MYH11: variants seen among roughly 807,000 people sequenced by gnomAD.
The protein encoded by MYH11 is myosin heavy chain 11.
Under a neutral mutation model 246.6 loss-of-function variants are expected in MYH11, and 80 were observed. The ratio of observed to expected loss-of-function variants is 0.32; its 90% CI spans 0.27 to 0.39. MYH11 has a LOEUF of 0.39. Ranked by LOEUF, MYH11 falls within the 10% of genes least tolerant of loss-of-function variation. MYH11 has a pLI of 1.00. For missense variants in MYH11, 2,158 were observed against 2,546.8 expected (o/e 0.85, Z 3.29); for synonymous variants, 1,071 against 1,015.5 (o/e 1.05, Z -1.04).
chr16:15,769,870 A>C (rs1358240829), intron 9 of MYH11, among the ~76,000 whole-genome samples: 1 of 151,928 alleles, frequency 6.6e-6, no homozygotes, highest in Non-Finnish European at 1.5e-5. Flanking sequence ...TGTGTTATCC[A>C]GGCTGGTCTC....
At chr16:15,747,001 T>C (rs1195407741) in intron 19 of MYH11, among the ~76,000 whole-genome samples, 1 of 151,928 alleles carries the variant, frequency 6.6e-6, no homozygotes, top group African/African-American at 2.4e-5. Context: ...GACACGAGAA[T>C]TGCTTGAGTC....
In MYH11 at chr16:15,727,102, G is replaced by T. The variant is rs1209513043; in HGVS notation, c.3652-48C>A. On this transcript the variant is annotated intron_variant, in intron 27 of 40. Transcript: ENST00000300036. ...GGGATAACAGGGAGGCTGTGGCCGG[G>T]AGAACGTTTCAGGCCCTGCCCTTTC... 4.4e-6 allele frequency: 7 copies of T among 1,585,780 alleles called. No homozygotes were observed. The South Asian group carries it at 4.4e-5, about 10-fold the overall frequency.
At chr16:15,829,579 C>G (rs1357433163) in intron 2 of MYH11, among the ~76,000 whole-genome samples, 1 of 152,200 alleles carries the variant, frequency 6.6e-6, no homozygotes, top group Admixed American at 6.5e-5. Flanking sequence ...GAGCCCCTCT[C>G]CAGCTGGTTA....
chr16:15,759,385 C>T (rs990387007), intron 12 of MYH11, among the ~76,000 whole-genome samples, 191 bp downstream of exon 12: 10 of 152,070 alleles, frequency 6.6e-5, no homozygotes, highest in African/African-American at 2.4e-4. Flanking sequence ...CTGGCCTTCT[C>T]AGTTCCAGAA....
intron 8 of MYH11, among the ~76,000 whole-genome samples, chr16:15,773,739 C>G (rs2042158180): frequency 6.6e-6 from 1 of 152,176 alleles, no homozygotes; most frequent in South Asian, 2.1e-4. Flanking sequence ...CACTAGGCAA[C>G]AGAGTTGAGT....
At chr16:15,722,667 C>T (rs1226905207) in intron 31 of MYH11, among the ~76,000 whole-genome samples, 1 of 152,198 alleles carries the variant, frequency 6.6e-6, no homozygotes, top group Non-Finnish European at 1.5e-5. Context: ...ATCTAGAATC[C>T]TGACACTAGG....
intron 4 of MYH11, among the ~76,000 whole-genome samples, chr16:15,789,251 A>G (rs2042553174): frequency 6.6e-6 from 1 of 152,204 alleles, no homozygotes; most frequent in Admixed American, 6.5e-5. Context: ...CACAGGCCCA[A>G]CCCTCTAGGG....
intron 23 of MYH11, among the ~76,000 whole-genome samples, chr16:15,739,034 T>C (rs937487653): frequency 6.6e-6 from 1 of 151,982 alleles, no homozygotes; most frequent in Non-Finnish European, 1.5e-5. Flanking sequence ...TCTTTAAGTT[T>C]CTGCTTAAAT....
chr16:15,840,788 A>G (rs2044032210), intron 1 of MYH11, among the ~76,000 whole-genome samples: 1 of 152,194 alleles, frequency 6.6e-6, no homozygotes, highest in African/African-American at 2.4e-5. Context: ...AACATGTATG[A>G]TTATTTGTCA....
intron 27 of MYH11, among the ~76,000 whole-genome samples, chr16:15,728,208 A>T (rs2040854365): frequency 6.6e-6 from 1 of 152,180 alleles, no homozygotes; most frequent in African/African-American, 2.4e-5. Flanking sequence ...CAGCCTGGGT[A>T]ACAGAGTGAG....
rs1052155848 is a variant in MYH11 at position 15,839,925 on chromosome 16, C to T, written c.-17-1656G>A. Among the ~76,000 whole-genome samples the T allele has an allele frequency of 3.9e-5, 6 of 152,120 alleles. No homozygotes were observed. In the East Asian group the frequency reaches 1.2e-3, roughly 29 times the overall value. ...AATTAGCCGGGCATGGTGGTGCACA[C>T]CTGTAATCCCAGTTACTCAAAAAGC... On this transcript the variant is annotated intron_variant, in intron 1 of 40. Coordinates refer to ENST00000300036, the MANE Select transcript of MYH11 (RefSeq NM_002474.3).
At chr16:15,844,500 T>G (rs2151388292) in intron 1 of MYH11, among the ~76,000 whole-genome samples, 1 of 152,216 alleles carries the variant, frequency 6.6e-6, no homozygotes, top group Middle Eastern at 3.4e-3. Flanking sequence ...GCTCGGCCAG[T>G]ACTCTCTTTC....
intron 2 of MYH11, among the ~76,000 whole-genome samples, chr16:15,835,190 T>C (rs1012031555): frequency 6.6e-6 from 1 of 151,650 alleles, no homozygotes; most frequent in Non-Finnish European, 1.5e-5. Flanking sequence ...AGTGGAAAAA[T>C]GGCCTATCCC....
intron 13 of MYH11, among the ~76,000 whole-genome samples, chr16:15,757,419 G>C (rs1036216879): frequency 6.7e-6 from 1 of 149,040 alleles, no homozygotes; most frequent in African/African-American, 2.5e-5. Flanking sequence ...TGAGGCGGGA[G>C]GATCACTTGA....
intron 32 of MYH11, 21 bp downstream of exon 32, chr16:15,721,401 A>T (rs762871945): frequency 6.2e-7 from 1 of 1,613,864 alleles, no homozygotes; most frequent in Non-Finnish European, 8.5e-7. Context: ...TGGACGAGAA[A>T]AACCACCCAG....
chr16:15,742,487 A>G (rs2151252333), intron 20 of MYH11, among the ~76,000 whole-genome samples: 1 of 152,272 alleles, frequency 6.6e-6, no homozygotes, highest in Admixed American at 6.5e-5. Context: ...CATGCCTGTA[A>G]TCCCAGCATT....
intron 2 of MYH11, among the ~76,000 whole-genome samples, chr16:15,830,924 C>A (rs1408175805): frequency 6.6e-6 from 1 of 152,076 alleles, no homozygotes; most frequent in South Asian, 2.1e-4. Flanking sequence ...GTAATCCCAG[C>A]ACCTTGGCAG....
At chr16:15,831,464 G>GGGGTGTGTGTGT (rs138443794) in intron 2 of MYH11, among the ~76,000 whole-genome samples, 36 of 145,690 alleles carry the variant, frequency 2.5e-4, no homozygotes, top group East Asian at 2.2e-3. Flanking sequence ...TTATGTTTGG[G>GGGGTGTGTGTGT]GTGTGTGTGT....
intron 3 of MYH11, among the ~76,000 whole-genome samples, chr16:15,810,426 A>G (rs1474043868): frequency 1.3e-5 from 2 of 152,180 alleles, no homozygotes; most frequent in African/African-American, 4.8e-5. Context: ...TAAAATAAAG[A>G]TAAAAACGTG....
Sources: allele counts gnomAD v4.1 joint callset (sites outside exome capture counted in the v4.1 genomes callset), GRCh38; gene constraint gnomAD v4.1.1; transcripts MANE v1.5; gene names NCBI Gene and HGNC (gene_info 2026-07-23, HGNC 2026-07-21).